CSMD1: variants seen among roughly 807,000 people sequenced by gnomAD.
CSMD1 encodes the protein CUB and sushi domain-containing protein 1.
In CSMD1, 213 loss-of-function variants were observed where a neutral mutation model predicts 417.5. The ratio of observed to expected loss-of-function variants is 0.51; its 90% CI spans 0.46 to 0.57. The LOEUF (loss-of-function observed/expected upper bound fraction) is 0.57, where lower values mean the gene tolerates loss of function less well. Ranked by LOEUF, CSMD1 falls within the 20% of genes least tolerant of loss-of-function variation. The probability of loss-of-function intolerance (pLI) is 0.00; values close to 1 mark genes in which losing one functional copy is unlikely to be tolerated. For missense variants in CSMD1, 6,923 were observed against 4,529.7 expected (o/e 1.53, Z -15.17); for synonymous variants, 2,862 against 1,736.8 (o/e 1.65, Z -16.11).
chr8:4,136,109 A>C (rs1320900257), intron 3 of CSMD1, among the ~76,000 whole-genome samples: 1 of 152,240 alleles, frequency 6.6e-6, no homozygotes, highest in Non-Finnish European at 1.5e-5. Context: ...CCTTTGAAGG[A>C]AACTTTCCAA....
intron 3 of CSMD1, among the ~76,000 whole-genome samples, chr8:4,322,123 A>T (rs1799304021): frequency 6.6e-6 from 1 of 152,196 alleles, no homozygotes; most frequent in African/African-American, 2.4e-5. Context: ...AAAATATTGG[A>T]TCATTTTATC....
chr8:3,628,024 A>C (rs763689665), intron 7 of CSMD1, among the ~76,000 whole-genome samples: 1 of 152,214 alleles, frequency 6.6e-6, no homozygotes, highest in Non-Finnish European at 1.5e-5. Context: ...AAAGATTCAA[A>C]AGGGCAATGT....
chr8:4,200,731 G>A (rs1253156570), intron 3 of CSMD1, among the ~76,000 whole-genome samples: 1 of 152,144 alleles, frequency 6.6e-6, no homozygotes, highest in Non-Finnish European at 1.5e-5. Context: ...ACATGGTTGT[G>A]TGTATCTGTA....
chr8:4,496,679 C>G (rs1003356032), intron 2 of CSMD1, among the ~76,000 whole-genome samples: 6 of 152,086 alleles, frequency 3.9e-5, no homozygotes, highest in African/African-American at 7.2e-5. Context: ...TCCTGCCACT[C>G]TGACAAAGCA....
chr8:4,955,358 A>G (rs1809023924), intron 1 of CSMD1, among the ~76,000 whole-genome samples: 1 of 152,096 alleles, frequency 6.6e-6, no homozygotes, highest in African/African-American at 2.4e-5. Flanking sequence ...GCATTTTATG[A>G]CTTTTTATTA....
intron 2 of CSMD1, among the ~76,000 whole-genome samples, chr8:4,607,803 G>C (rs998143474): frequency 7.2e-5 from 11 of 152,130 alleles, no homozygotes; most frequent in African/African-American, 2.7e-4. Context: ...TCTTGAGTGT[G>C]TACTTTTCCC....
chr8:3,424,064 T>G (rs114764248), intron 12 of CSMD1, among the ~76,000 whole-genome samples: 5 of 152,182 alleles, frequency 3.3e-5, no homozygotes, highest in Non-Finnish European at 5.9e-5. Flanking sequence ...TAAAAATTAT[T>G]TGTTTTATGT....
At chr8:3,648,704 G>C (rs560978477) in intron 7 of CSMD1, among the ~76,000 whole-genome samples, 2 of 152,284 alleles carry the variant, frequency 1.3e-5, no homozygotes, top group East Asian at 1.9e-4. Context: ...GGTCTAAAAA[G>C]TGCCTGATCA....
chr8:3,759,367 C>T (rs1164999510), intron 5 of CSMD1, among the ~76,000 whole-genome samples: 5 of 152,084 alleles, frequency 3.3e-5, no homozygotes, highest in Non-Finnish European at 5.9e-5. Context: ...CTATTCATAA[C>T]CTTACTGAAT....
chr8:4,715,316 T>G (rs1808584620), intron 1 of CSMD1, among the ~76,000 whole-genome samples: 1 of 152,196 alleles, frequency 6.6e-6, no homozygotes, highest in Non-Finnish European at 1.5e-5. Context: ...TTCTGTTTGG[T>G]TTACACAAAG....
At chr8:3,286,834 C>T (rs1803198662) in intron 25 of CSMD1, among the ~76,000 whole-genome samples, 1 of 152,084 alleles carries the variant, frequency 6.6e-6, no homozygotes, top group African/African-American at 2.4e-5. Context: ...TTATTTAGAT[C>T]CCATTTGTCA....
intron 3 of CSMD1, among the ~76,000 whole-genome samples, chr8:4,174,616 T>C (rs1313062902): frequency 6.8e-6 from 1 of 147,362 alleles, no homozygotes; most frequent in African/African-American, 2.6e-5. Context: ...TTTATAATAA[T>C]TAAAACAAAC....
intron 2 of CSMD1, among the ~76,000 whole-genome samples, chr8:4,605,505 T>C (rs567268067): frequency 9.9e-5 from 15 of 152,272 alleles, no homozygotes; most frequent in African/African-American, 2.9e-4. Flanking sequence ...ATTTACCTAA[T>C]TGACCAGGAA....
intron 23 of CSMD1, among the ~76,000 whole-genome samples, chr8:3,336,760 C>G (rs1807289336): frequency 6.6e-6 from 1 of 152,278 alleles, no homozygotes; most frequent in East Asian, 1.9e-4. Flanking sequence ...GAGTCCCGCC[C>G]CCAGCTGCAT....
chr8:4,403,356 G>C (rs577423152), intron 3 of CSMD1, among the ~76,000 whole-genome samples: 16 of 152,054 alleles, frequency 1.1e-4, no homozygotes, highest in Admixed American at 8.5e-4. Flanking sequence ...TCCTTATAAG[G>C]AAGTCTCTAC....
rs1797729329 is a variant in CSMD1, at chr8:4,429,149, A to G, written c.303-9084T>C. ...TCTATGAAAACTGATATATAATTGG[A>G]TTATTATATATAATATATATTTATA... On this transcript the variant is annotated intron_variant, in intron 2 of 69. Coordinates refer to ENST00000635120, the MANE Select transcript of CSMD1 (RefSeq NM_033225.6). Among the ~76,000 whole-genome samples the G allele has an allele frequency of 1.3e-5, 2 of 150,726 alleles. 1 individual carries two copies. Among genetic ancestry groups the G allele is most frequent in the South Asian group, 4.1e-4 (2 of 4,820 alleles).
intron 10 of CSMD1, among the ~76,000 whole-genome samples, chr8:3,534,895 T>G (rs1279113319): frequency 6.6e-6 from 1 of 152,152 alleles, no homozygotes; most frequent in Non-Finnish European, 1.5e-5. Flanking sequence ...GTACAAATGG[T>G]TTAGTCCAGA....
intron 5 of CSMD1, among the ~76,000 whole-genome samples, chr8:3,857,871 C>A (rs141947346): frequency 2.6e-5 from 4 of 152,186 alleles, no homozygotes; most frequent in African/African-American, 9.7e-5. Flanking sequence ...TGAGAGATTA[C>A]GTGATATGTA....
intron 3 of CSMD1, among the ~76,000 whole-genome samples, chr8:4,137,013 G>T (rs1291048824): frequency 6.6e-6 from 1 of 152,196 alleles, no homozygotes; most frequent in Non-Finnish European, 1.5e-5. Flanking sequence ...CCAAGCAGCT[G>T]TGTATTTTTA....
Sources: gnomAD v4.1 joint callset for allele counts (sites outside exome capture counted in the v4.1 genomes callset) on GRCh38, gnomAD v4.1.1 for gene constraint, MANE v1.5 for transcripts, NCBI Gene and HGNC (gene_info 2026-07-23, HGNC 2026-07-21) for gene names.